The following DAB1 variants were observed in gnomAD, a reference collection of about 807,000 sequenced individuals.
DAB1 encodes DAB adaptor protein 1, also known as disabled homolog 1.
Under a neutral mutation model 64.6 loss-of-function variants are expected in DAB1, and 15 were observed. That is an observed-to-expected ratio of 0.23 (90% CI 0.16 to 0.36). DAB1 has a LOEUF of 0.36. DAB1 is among the 10% of genes least tolerant of loss of function. The pLI is 1.00. For synonymous variants in DAB1, 235 were observed against 251.9 expected, an observed-to-expected ratio of 0.93 and a Z score of 0.64; for missense variants, 596 against 706.7, an observed-to-expected ratio of 0.84 and a Z score of 1.78.
intron 3 of DAB1, among the ~76,000 whole-genome samples, chr1:58,454,340 G>A (rs1645169584): frequency 6.6e-6 from 1 of 152,130 alleles, no homozygotes; most frequent in South Asian, 2.1e-4. Context: ...TGCAGTTTGG[G>A]GGCAGCCAGT....
chr1:57,838,240 A>C (rs1652899161), intron 1 of DAB1, among the ~76,000 whole-genome samples: 1 of 152,212 alleles, frequency 6.6e-6, no homozygotes, highest in African/African-American at 2.4e-5. Context: ...ATAATATCAA[A>C]TAATGGTGTT....
chr1:58,277,863 C>T (rs899641613), intron 4 of DAB1, among the ~76,000 whole-genome samples: 12 of 152,136 alleles, frequency 7.9e-5, no homozygotes, highest in Non-Finnish European at 1.6e-4. Flanking sequence ...TCAACATAAC[C>T]CCCATCCAAT....
At chr1:57,990,759 G>A (rs989784717) in intron 5 of DAB1, among the ~76,000 whole-genome samples, 4 of 152,272 alleles carry the variant, frequency 2.6e-5, no homozygotes, top group Admixed American at 2.6e-4. Flanking sequence ...CCCGGGGGAG[G>A]GGCCCAGACA....
At chr1:57,301,351 C>T (rs1209173754) in intron 1 of DAB1, among the ~76,000 whole-genome samples, 1 of 152,164 alleles carries the variant, frequency 6.6e-6, no homozygotes, top group Non-Finnish European at 1.5e-5. Context: ...GGGCACCTTC[C>T]TCATTGGCCT....
intron 4 of DAB1, among the ~76,000 whole-genome samples, chr1:57,089,700 C>A (rs1229917935): frequency 1.3e-5 from 2 of 152,154 alleles, no homozygotes; most frequent in Non-Finnish European, 2.9e-5. Flanking sequence ...CCACCAGGCC[C>A]CACCTCCAAC....
intron 3 of DAB1, among the ~76,000 whole-genome samples, chr1:58,462,058 CA>C (rs1320030327): frequency 2.0e-5 from 3 of 150,270 alleles, no homozygotes; most frequent in Admixed American, 6.6e-5. Context: ...CCCAAGGACT[CA>C]GGGGGGTAAT....
chr1:58,140,521 C>T (rs999644903), intron 5 of DAB1, among the ~76,000 whole-genome samples: 6 of 152,046 alleles, frequency 3.9e-5, no homozygotes, highest in African/African-American at 1.4e-4. Context: ...TCCCTCTGAC[C>T]AGATGCTACT....
chr1:57,292,359 C>T (rs888004585), intron 1 of DAB1, among the ~76,000 whole-genome samples: 1 of 152,230 alleles, frequency 6.6e-6, no homozygotes, highest in Admixed American at 6.5e-5. Flanking sequence ...TATATATAAG[C>T]TACCTATTTT....
intron 5 of DAB1, chr1:58,049,194 T>C: frequency 1.3e-6 from 1 of 768,946 alleles, no homozygotes; most frequent in Non-Finnish European, 2.4e-6. Flanking sequence ...TTGCTCAAAA[T>C]GGCTTCTCAG....
At chr1:58,233,993 T>C (rs1659901422) in intron 4 of DAB1, among the ~76,000 whole-genome samples, 2 of 152,138 alleles carry the variant, frequency 1.3e-5, no homozygotes. Context: ...AAGTCAGCCT[T>C]CAAAAAGAGC....
chr1:57,410,455 T>A (rs1276257907), intron 1 of DAB1, among the ~76,000 whole-genome samples: 1 of 152,174 alleles, frequency 6.6e-6, no homozygotes, highest in Non-Finnish European at 1.5e-5. Context: ...GTATGGTGTT[T>A]AACAGAATCC....
At chr1:57,042,506 A>C (rs762104537) in intron 9 of DAB1, among the ~76,000 whole-genome samples, 2 of 152,162 alleles carry the variant, frequency 1.3e-5, no homozygotes, top group Non-Finnish European at 2.9e-5. Context: ...TTGGCATCAC[A>C]CATGTCCAGG....
intron 7 of DAB1, among the ~76,000 whole-genome samples, chr1:57,565,189 G>A (rs1325047989): frequency 6.6e-6 from 1 of 152,164 alleles, no homozygotes; most frequent in African/African-American, 2.4e-5. Context: ...CATAAGTGAA[G>A]GAGAAATAAA....
At chr1:57,649,114 G>A (rs1646226974) in intron 7 of DAB1, among the ~76,000 whole-genome samples, 2 of 152,162 alleles carry the variant, frequency 1.3e-5, no homozygotes, top group Admixed American at 1.3e-4. Context: ...CTCCAAGTCT[G>A]TTTTCCATGT....
rs1570732691 is a variant in DAB1 at position 57,122,142 on chromosome 1, T to C, written c.306+14401A>G. Reference sequence around the variant, plus strand: ...TAGGTCATTAGGAGAGAGGCACATGTGTGAATTTGAAGAGAGGCAGCCACA... The same window carrying C: ...TAGGTCATTAGGAGAGAGGCACATGCGTGAATTTGAAGAGAGGCAGCCACA... On this transcript the variant is annotated intron_variant, in intron 4 of 14. Transcript: ENST00000371236. Among the ~76,000 whole-genome samples the C allele has an allele frequency of 2.0e-5, 3 of 152,224 alleles. No individual in the cohort carries two copies. The South Asian group carries it at 6.2e-4, about 32-fold the overall frequency.
At chr1:58,020,077 ATCTTTTGATGACCC>A (rs2100451357) in intron 5 of DAB1, among the ~76,000 whole-genome samples, 1 of 152,286 alleles carries the variant, frequency 6.6e-6, no homozygotes, top group East Asian at 1.9e-4. Flanking sequence ...CAGTGTTTTA[ATCTTTTGATGACCC>A]TCTAGAACCA....
chr1:58,192,910 G>T (rs1387869997), intron 4 of DAB1, among the ~76,000 whole-genome samples: 1 of 152,066 alleles, frequency 6.6e-6, no homozygotes, highest in Non-Finnish European at 1.5e-5. Context: ...GTGGATGGAG[G>T]GTGGTAATGA....
At chr1:58,201,575 G>C (rs1262218443) in intron 4 of DAB1, among the ~76,000 whole-genome samples, 1 of 152,200 alleles carries the variant, frequency 6.6e-6, no homozygotes, top group East Asian at 1.9e-4. Context: ...CCAAGTCTCA[G>C]GGTTTCACAG....
At chr1:57,169,901 C>T (rs996458802) in intron 2 of DAB1, among the ~76,000 whole-genome samples, 2 of 152,146 alleles carry the variant, frequency 1.3e-5, no homozygotes, top group African/African-American at 4.8e-5. Flanking sequence ...CTCTCCCCAA[C>T]TGCAAGACGC....
Sources: gnomAD v4.1 joint callset for allele counts (sites outside exome capture counted in the v4.1 genomes callset) on GRCh38, gnomAD v4.1.1 for gene constraint, MANE v1.5 for transcripts, NCBI Gene and HGNC (gene_info 2026-07-23, HGNC 2026-07-21) for gene names.